MAPK6: variants seen among roughly 807,000 people sequenced by gnomAD.
MAPK6 encodes mitogen-activated protein kinase 6.
Under a neutral mutation model 59.3 loss-of-function variants are expected in MAPK6, and 19 were observed. The observed-to-expected ratio is 0.32, with a 90% CI of 0.22 to 0.47. The LOEUF is 0.47. Among genes scored for constraint, MAPK6 ranks in the 20% least tolerant of loss-of-function variants. MAPK6 has a pLI of 1.00. For synonymous variants in MAPK6, 316 were observed against 290.3 expected (o/e 1.09, Z -0.90); for missense variants, 724 against 847.9 (o/e 0.85, Z 1.81).
intron 3 of MAPK6, among the ~76,000 whole-genome samples, chr15:52,008,529 A>C (rs1331062101): frequency 3.9e-5 from 6 of 152,206 alleles, no homozygotes; most frequent in Non-Finnish European, 7.4e-5. Context: ...ACTATACATG[A>C]ACAGGGTGGC....
intron 1 of MAPK6, among the ~76,000 whole-genome samples, chr15:51,975,534 C>T (rs1010598413): frequency 6.6e-6 from 1 of 150,568 alleles, no homozygotes; most frequent in Non-Finnish European, 1.5e-5. Flanking sequence ...AGCAAGACTC[C>T]GTCTAAAAAA....
At chr15:52,058,608 T>G (rs186269427) in intron 3 of MAPK6, 25 bp from the exon 4 acceptor site, 38 of 1,566,898 alleles carry the variant, frequency 2.4e-5, no homozygotes, top group Admixed American at 1.1e-4. Flanking sequence ...AGGAATGTGT[T>G]TTTTTGTTTG....
intron 3 of MAPK6, among the ~76,000 whole-genome samples, chr15:52,007,248 C>T (rs1451527536): frequency 3.3e-5 from 5 of 152,146 alleles, no homozygotes; most frequent in Admixed American, 6.6e-5. Context: ...CTCACTTCTC[C>T]TGTCCCAGCT....
chr15:51,980,304 AAG>A (rs200778385), intron 1 of MAPK6, among the ~76,000 whole-genome samples: 157 of 149,022 alleles, frequency 1.1e-3, no homozygotes, highest in African/African-American at 3.8e-3. Flanking sequence ...AAAAAAAAAA[AAG>A]AAAAAAAAAT....
In MAPK6 at chr15:52,058,725, G is replaced by C. The variant is rs757316726; in HGVS notation, c.793G>C (p.Val265Leu). The C allele has an allele frequency of 1.3e-5, 21 of 1,613,420 alleles. No homozygotes were observed. The highest frequency in any genetic ancestry group is 1.6e-5 in the Non-Finnish European group (19 of 1,179,684). The change falls in exon 4 of 6, where the codon GTT becomes CTT. Residue 265 changes from valine (V) to leucine (L), a missense_variant. Coordinates refer to ENST00000261845, the MANE Select transcript of MAPK6 (RefSeq NM_002748.4). ...DRQELLSVIP[V>L]YIRNDMTEPH... is the part of the protein sequence containing the mutation. ...TCAGGAGCTTCTCAGCGTAATTCCA[G>C]TTTACATTAGAAATGACATGACTGA...
intron 1 of MAPK6, among the ~76,000 whole-genome samples, chr15:51,974,689 T>C (rs1478275217): frequency 1.4e-5 from 2 of 148,038 alleles, no homozygotes; most frequent in African/African-American, 2.5e-5. Context: ...AAAGATGATC[T>C]TGACATTTGT....
chr15:52,052,168 T>C (rs963743656), intron 3 of MAPK6, among the ~76,000 whole-genome samples: 25 of 152,340 alleles, frequency 1.6e-4, no homozygotes, highest in Admixed American at 1.5e-3. Flanking sequence ...GCTTATGTTT[T>C]CTCAGTCAAG....
intron 1 of MAPK6, among the ~76,000 whole-genome samples, chr15:52,041,337 C>T (rs974335955): frequency 6.6e-6 from 1 of 152,110 alleles, no homozygotes; most frequent in African/African-American, 2.4e-5. Flanking sequence ...GCTGGGATTA[C>T]AGACATGCGC....
chr15:51,996,052 C>T (rs899008722), intron 2 of MAPK6, among the ~76,000 whole-genome samples: 3 of 152,198 alleles, frequency 2.0e-5, no homozygotes, highest in Admixed American at 2.0e-4. Flanking sequence ...ATTTAGATTC[C>T]CATCTCAGAG....
chr15:52,015,917 G>A (rs1311487739), upstream of MAPK6, among the ~76,000 whole-genome samples: 2 of 4,426 alleles, frequency 4.5e-4, no homozygotes, highest in African/African-American at 5.3e-4. Context: ...AATTAGTTGG[G>A]CGTGGTGGCG....
At chr15:52,014,269 A>C (rs927141402), upstream of MAPK6, among the ~76,000 whole-genome samples, 1 of 152,182 alleles carries the variant, frequency 6.6e-6, no homozygotes, top group Admixed American at 6.5e-5. Context: ...CCACTATGGC[A>C]GTGACTTTCA....
intron 1 of MAPK6, among the ~76,000 whole-genome samples, chr15:51,975,424 C>G (rs1021432811): frequency 3.3e-5 from 5 of 151,380 alleles, no homozygotes; most frequent in Non-Finnish European, 7.4e-5. Context: ...ACCTGTAGTC[C>G]CAGCTACTCA....
intron 4 of MAPK6, among the ~76,000 whole-genome samples, chr15:52,059,941 C>A (rs1048995717): frequency 4.6e-5 from 7 of 152,334 alleles, no homozygotes; most frequent in Admixed American, 1.3e-4. Flanking sequence ...TCTCACCCCA[C>A]ATTCTTTATG....
At chr15:51,999,778 G>C (rs143389110) in intron 2 of MAPK6, among the ~76,000 whole-genome samples, 3,235 of 152,192 alleles carry the variant, frequency 0.021, 50 homozygotes, top group Middle Eastern at 0.12. Context: ...TGAATAGCTG[G>C]GACTACAGGT....
intron 3 of MAPK6, among the ~76,000 whole-genome samples, chr15:52,013,854 C>A (rs2030160101): frequency 6.6e-6 from 1 of 152,158 alleles, no homozygotes; most frequent in Non-Finnish European, 1.5e-5. Context: ...TCTACCCTTC[C>A]TATTAATGCC....
intron 1 of MAPK6, among the ~76,000 whole-genome samples, chr15:52,020,678 T>A (rs1311846700): frequency 6.6e-6 from 1 of 152,250 alleles, no homozygotes; most frequent in African/African-American, 2.4e-5. Flanking sequence ...GGCCTGGCCC[T>A]GAAATCAGGA....
intron 2 of MAPK6, among the ~76,000 whole-genome samples, chr15:52,002,700 C>G (rs970536978): frequency 6.6e-6 from 1 of 152,136 alleles, no homozygotes; most frequent in Non-Finnish European, 1.5e-5. Flanking sequence ...TGTTTTCACA[C>G]TGCTATAAAG....
Position 52,065,076 on chromosome 15 carries a change from A to C in MAPK6, c.*76A>C, listed in dbSNP as rs539555242. ...TTTTTTTATTACTAGTGTTTAAGTC[A>C]TTTTTTACTTGAATCAGATGGTGTC... On this transcript the variant is annotated 3_prime_UTR_variant, in exon 6 of 6. Coordinates refer to ENST00000261845, the MANE Select transcript of MAPK6 (RefSeq NM_002748.4). 3 of 1,355,782 alleles carry C rather than the reference A, an allele frequency of 2.2e-6. No individual in the cohort carries two copies. The African/African-American group carries it at 4.4e-5, about 20-fold the overall frequency. The allele number at this position is 1,355,782 out of a possible 1,614,324, so 84.0% of individuals were successfully genotyped here. A position where few individuals can be genotyped will look rare whatever the true frequency, so the allele number is the denominator to read the frequency against.
At chr15:52,047,080 T>TA (rs2031614466) in intron 2 of MAPK6, 65 bp downstream of exon 2, 1 of 1,184,788 alleles carries the variant, frequency 8.4e-7, no homozygotes, top group Admixed American at 2.7e-5. Context: ...AATAGGTACT[T>TA]ATATTTTCTT....
Sources: allele counts gnomAD v4.1 joint callset (sites outside exome capture counted in the v4.1 genomes callset), GRCh38; gene constraint gnomAD v4.1.1; transcripts MANE v1.5; gene names NCBI Gene and HGNC (gene_info 2026-07-23, HGNC 2026-07-21).